VWA3B: variants seen among roughly 807,000 people sequenced by gnomAD.
VWA3B encodes the protein von Willebrand factor A domain containing 3B.
Under a neutral mutation model 158.3 loss-of-function variants are expected in VWA3B, and 138 were observed. The ratio of observed to expected loss-of-function variants is 0.87; its 90% CI spans 0.76 to 1.00. The LOEUF (loss-of-function observed/expected upper bound fraction) is 1.00, where lower values mean the gene tolerates loss of function less well. Among genes scored for constraint, VWA3B ranks in the 50% least tolerant of loss-of-function variants. The pLI, the probability that VWA3B is intolerant of heterozygous loss-of-function variation, is 0.00. For synonymous variants in VWA3B, 596 were observed against 587.3 expected, an observed-to-expected ratio of 1.01 and a Z score of -0.21; for missense variants, 1,555 against 1,565.1, an observed-to-expected ratio of 0.99 and a Z score of 0.11.
At chr2:98,217,770 C>A in intron 13 of VWA3B, 76 bp from the exon 14 acceptor site, 1 of 1,372,224 alleles carries the variant, frequency 7.3e-7, no homozygotes, top group Non-Finnish European at 9.7e-7. Context: ...GTAGTAAATA[C>A]TAAGGATTTT....
chr2:98,319,923 C>CA, the VWA3B span, among the ~76,000 whole-genome samples: 2 of 150,904 alleles, frequency 1.3e-5, no homozygotes, highest in Admixed American at 6.6e-5. Context: ...CACAACAAAA[C>CA]AAAAAAACTA....
chr2:98,186,894 C>T (rs2105382661), intron 9 of VWA3B, among the ~76,000 whole-genome samples: 1 of 152,254 alleles, frequency 6.6e-6, no homozygotes, highest in South Asian at 2.1e-4. Flanking sequence ...AGCTCATTTC[C>T]GACAGCTGTC....
At chr2:98,164,768 C>T (rs778030614) in intron 8 of VWA3B, among the ~76,000 whole-genome samples, 2 of 152,198 alleles carry the variant, frequency 1.3e-5, no homozygotes, top group African/African-American at 4.8e-5. Flanking sequence ...AGCCCCACAA[C>T]TGCACCATAC....
At chr2:98,129,645 A>T (rs1675704125) in intron 6 of VWA3B, among the ~76,000 whole-genome samples, 1 of 151,936 alleles carries the variant, frequency 6.6e-6, no homozygotes, top group Non-Finnish European at 1.5e-5. Flanking sequence ...CAATACCCGA[A>T]TAGTAATAAA....
chr2:98,256,250 G>A, intron 21 of VWA3B, 76 bp downstream of exon 21: 26 of 1,493,600 alleles, frequency 1.7e-5, no homozygotes, highest in Non-Finnish European at 2.2e-5. Context: ...ATTTTAAAGT[G>A]TACAATGCAG....
At chr2:98,207,954 T>A (rs1325188758) in intron 12 of VWA3B, among the ~76,000 whole-genome samples, 1 of 152,182 alleles carries the variant, frequency 6.6e-6, no homozygotes, top group Non-Finnish European at 1.5e-5. Context: ...ATTTTATCTA[T>A]TACAACTCTA....
intron 7 of VWA3B, among the ~76,000 whole-genome samples, chr2:98,157,618 T>C (rs184021090): frequency 7.2e-5 from 11 of 152,318 alleles, no homozygotes; most frequent in African/African-American, 2.6e-4. Context: ...TTTCTGAAAA[T>C]AGAAGTATGT....
At chr2:98,192,813 T>C in intron 10 of VWA3B, 85 bp from the exon 11 acceptor site, 1 of 1,577,600 alleles carries the variant, frequency 6.3e-7, no homozygotes. Flanking sequence ...CTCTGTCCTC[T>C]GCAGATGCAT....
chr2:98,266,879 T>G (rs1403959155), intron 21 of VWA3B, among the ~76,000 whole-genome samples: 1 of 149,256 alleles, frequency 6.7e-6, no homozygotes, highest in African/African-American at 2.5e-5. Flanking sequence ...ATGCTTGTGG[T>G]TTTTGTACAT....
chr2:98,236,242 G>A (rs2105733969), intron 17 of VWA3B, 148 bp from the exon 18 acceptor site: 6 of 867,568 alleles, frequency 6.9e-6, no homozygotes, highest in East Asian at 2.5e-5. Flanking sequence ...CTGAGAGCCC[G>A]CTCTGACAAA....
At chr2:98,277,684 G>A (rs994926840) in intron 22 of VWA3B, among the ~76,000 whole-genome samples, 13 of 152,150 alleles carry the variant, frequency 8.5e-5, no homozygotes, top group Non-Finnish European at 1.6e-4. Context: ...GCTCTGCTCC[G>A]GGAGAAAGAG....
At chr2:98,128,061 C>A in intron 5 of VWA3B, 178 bp from the exon 6 acceptor site, 2 of 668,984 alleles carry the variant, frequency 3.0e-6, no homozygotes, top group East Asian at 2.6e-5. Flanking sequence ...TGGTACCAAG[C>A]CTTGAATATC....
intron 14 of VWA3B, among the ~76,000 whole-genome samples, chr2:98,219,442 AAAAC>A (rs1684299681): frequency 1.3e-5 from 2 of 152,224 alleles, no homozygotes; most frequent in African/African-American, 4.8e-5. Flanking sequence ...AACAAAAACA[AAAAC>A]AAAGAAACAA....
intron 19 of VWA3B, among the ~76,000 whole-genome samples, chr2:98,247,005 AT>A (rs920355267): frequency 9.4e-5 from 14 of 149,018 alleles, no homozygotes; most frequent in African/African-American, 3.0e-4. Context: ...TGTAATGACA[AT>A]TTTTTTTTTG....
intron 2 of VWA3B, chr2:98,099,412 C>T (rs1167644322): frequency 6.6e-6 from 1 of 152,084 alleles, no homozygotes; most frequent in Non-Finnish European, 1.5e-5. Flanking sequence ...TGATTCTATT[C>T]TCTTCTGTCC....
chr2:98,323,425 C>T, the VWA3B span, among the ~76,000 whole-genome samples: 1 of 151,302 alleles, frequency 6.6e-6, no homozygotes, highest in African/African-American at 2.4e-5. Flanking sequence ...TTAACAGAAC[C>T]TCAGAGACCC....
At chr2:98,236,923 C>A in intron 19 of VWA3B, 193 bp downstream of exon 19, 1 of 685,700 alleles carries the variant, frequency 1.5e-6, no homozygotes, top group Non-Finnish European at 2.3e-6. Flanking sequence ...TGCCTGTAAC[C>A]CCAGCACTTG....
At chr2:98,182,975 AACATAGCTT>A (rs1281542937) in intron 9 of VWA3B, among the ~76,000 whole-genome samples, 1 of 152,328 alleles carries the variant, frequency 6.6e-6, no homozygotes, top group East Asian at 1.9e-4. Context: ...CATCAATTTG[AACATAGCTT>A]ACTGCAAACT....
chr2:98,232,287 T>A (rs188157752), intron 16 of VWA3B, among the ~76,000 whole-genome samples: 4 of 152,348 alleles, frequency 2.6e-5, no homozygotes, highest in African/African-American at 9.6e-5. Flanking sequence ...ATTATATCCC[T>A]TTGTTAGCTT....
Sources: allele counts gnomAD v4.1 joint callset (sites outside exome capture counted in the v4.1 genomes callset), GRCh38; gene constraint gnomAD v4.1.1; transcripts MANE v1.5; gene names NCBI Gene and HGNC (gene_info 2026-07-23, HGNC 2026-07-21).